Variants in GRIK1 observed in about 807,000 individuals in gnomAD.
GRIK1 encodes the protein glutamate ionotropic receptor kainate type subunit 1.
GRIK1 carries 69 observed loss-of-function variants against 105.7 expected under a neutral mutation model. The observed-to-expected ratio is 0.65, with a 90% CI of 0.54 to 0.80. GRIK1 has a LOEUF of 0.80. GRIK1 is among the 30% of genes least tolerant of loss of function. The pLI is 0.00. For synonymous variants in GRIK1, 438 were observed against 431.3 expected, an observed-to-expected ratio of 1.02 and a Z score of -0.19; for missense variants, 1,109 against 1,167.3, an observed-to-expected ratio of 0.95 and a Z score of 0.73.
At chr21:29,570,313 C>A (rs2090711505) in intron 14 of GRIK1, among the ~76,000 whole-genome samples, 1 of 151,932 alleles carries the variant, frequency 6.6e-6, no homozygotes, top group Non-Finnish European at 1.5e-5. Flanking sequence ...CAAGCCTGTT[C>A]AACATGGTGA....
intron 7 of GRIK1, among the ~76,000 whole-genome samples, chr21:29,608,136 A>G (rs886230461): frequency 6.6e-6 from 1 of 152,112 alleles, no homozygotes; most frequent in African/African-American, 2.4e-5. Flanking sequence ...TATATGTTAC[A>G]GAGAAACTGT....
intron 1 of GRIK1, among the ~76,000 whole-genome samples, chr21:29,726,673 C>T (rs556807364): frequency 6.6e-6 from 1 of 151,892 alleles, no homozygotes; most frequent in South Asian, 2.1e-4. Context: ...ATCTAACATA[C>T]TATTTAATGG....
chr21:29,769,972 A>G lies in GRIK1; in HGVS notation c.119-75909T>C, dbSNP rs1352949329. 2.0e-5 allele frequency among the ~76,000 whole-genome samples: 3 copies of G among 152,322 alleles called. No individual in the cohort carries two copies. In the East Asian group the frequency reaches 5.8e-4, roughly 29 times the overall value. On this transcript the variant is annotated intron_variant, in intron 1 of 17. Coordinates refer to ENST00000327783, the MANE Select transcript of GRIK1 (RefSeq NM_001330994.2). ...AGTTTTTGGAATAAATAGATGAGTG[A>G]CAAAGATGTGAGTATGATGTTGTTT...
chr21:29,572,376 C>T (rs545117238), intron 14 of GRIK1, among the ~76,000 whole-genome samples: 1 of 152,184 alleles, frequency 6.6e-6, no homozygotes, highest in East Asian at 1.9e-4. Context: ...AACAGTGTCT[C>T]TTCTTGTGTG....
chr21:29,656,524 A>T (rs922310887), intron 4 of GRIK1, among the ~76,000 whole-genome samples: 1 of 152,156 alleles, frequency 6.6e-6, no homozygotes, highest in Admixed American at 6.5e-5. Context: ...TCACAGGGAC[A>T]TCCTGAATTG....
chr21:29,841,814 T>C (rs1025537503), intron 1 of GRIK1, among the ~76,000 whole-genome samples: 2 of 152,146 alleles, frequency 1.3e-5, no homozygotes, highest in African/African-American at 4.8e-5. Context: ...CCCTCCCTCT[T>C]GGAAGCATTT....
At chr21:29,564,116 A>G (rs1485617294) in intron 14 of GRIK1, among the ~76,000 whole-genome samples, 2 of 152,224 alleles carry the variant, frequency 1.3e-5, no homozygotes, top group Non-Finnish European at 2.9e-5. Context: ...GAAAAATTTT[A>G]TGAAACATTA....
At chr21:29,574,864 A>ATT (rs1555838470) in intron 14 of GRIK1, among the ~76,000 whole-genome samples, 1 of 142,564 alleles carries the variant, frequency 7.0e-6, no homozygotes, top group Non-Finnish European at 1.5e-5. Flanking sequence ...ATATTTTTGT[A>ATT]TTTTTTTTTT....
chr21:29,603,330 AC>A (rs2061553229), intron 7 of GRIK1, among the ~76,000 whole-genome samples: 2 of 151,862 alleles, frequency 1.3e-5, no homozygotes, highest in Admixed American at 1.3e-4. Flanking sequence ...TTGCCCAAGT[AC>A]TGTAACACAT....
chr21:29,600,100 C>CA (rs574500509), intron 7 of GRIK1, among the ~76,000 whole-genome samples: 1 of 151,902 alleles, frequency 6.6e-6, no homozygotes, highest in Non-Finnish European at 1.5e-5. Flanking sequence ...AAAACAAAAA[C>CA]AAAAAAACTC....
At chr21:29,740,953 C>T (rs193058054) in intron 1 of GRIK1, among the ~76,000 whole-genome samples, 24 of 152,276 alleles carry the variant, frequency 1.6e-4, no homozygotes, top group Non-Finnish European at 2.8e-4. Context: ...AAGATGACTA[C>T]GGAAGCTGAA....
At chr21:29,552,387 A>G (rs2090149840) in intron 16 of GRIK1, among the ~76,000 whole-genome samples, 1 of 152,102 alleles carries the variant, frequency 6.6e-6, no homozygotes, top group Non-Finnish European at 1.5e-5. Context: ...GAGGTTTTTT[A>G]TGTCACCTGG....
chr21:29,546,390 A>G (rs574581821), intron 16 of GRIK1, among the ~76,000 whole-genome samples: 1 of 152,328 alleles, frequency 6.6e-6, no homozygotes, highest in South Asian at 2.1e-4. Context: ...TGTCTCTACA[A>G]GTCTTATCAC....
intron 1 of GRIK1, among the ~76,000 whole-genome samples, chr21:29,930,430 A>T (rs2071527736): frequency 6.6e-6 from 1 of 152,148 alleles, no homozygotes; most frequent in South Asian, 2.1e-4. Context: ...GAAAGTAAGA[A>T]CACTTGATTT....
chr21:29,869,091 T>G (rs373762124), intron 1 of GRIK1, among the ~76,000 whole-genome samples: 70 of 152,322 alleles, frequency 4.6e-4, no homozygotes, highest in African/African-American at 1.7e-3. Context: ...GACGTTCACT[T>G]GGGGAAAATT....
chr21:29,769,598 A>T (rs2065762361), intron 1 of GRIK1, among the ~76,000 whole-genome samples: 2 of 152,100 alleles, frequency 1.3e-5, no homozygotes, highest in Admixed American at 6.6e-5. Context: ...TGATCTGACA[A>T]GAGGCGGAGC....
At chr21:29,653,095 T>C (rs2062775122) in intron 5 of GRIK1, among the ~76,000 whole-genome samples, 1 of 152,076 alleles carries the variant, frequency 6.6e-6, no homozygotes, top group Non-Finnish European at 1.5e-5. Flanking sequence ...GGTAAGAATA[T>C]AAAAGCCAAC....
intron 7 of GRIK1, among the ~76,000 whole-genome samples, chr21:29,631,713 CATTA>C (rs953128903): frequency 1.3e-5 from 2 of 152,116 alleles, no homozygotes; most frequent in African/African-American, 4.8e-5. Context: ...TACAATTGCT[CATTA>C]ATAATTTGAA....
chr21:29,686,365 A>T (rs1260884801), intron 3 of GRIK1, among the ~76,000 whole-genome samples: 2 of 152,196 alleles, frequency 1.3e-5, no homozygotes, highest in East Asian at 3.9e-4. Flanking sequence ...AGAGATAATG[A>T]GACAAAGGAC....
Sources: allele counts gnomAD v4.1 joint callset (sites outside exome capture counted in the v4.1 genomes callset), GRCh38; gene constraint gnomAD v4.1.1; transcripts MANE v1.5; gene names NCBI Gene and HGNC (gene_info 2026-07-23, HGNC 2026-07-21).